The following NFATC1 variants were observed in gnomAD, a reference collection of about 807,000 sequenced individuals.
NFATC1 encodes the protein nuclear factor of activated T-cells, cytoplasmic 1.
A neutral mutation model predicts 76.0 loss-of-function variants in NFATC1; 22 were observed. The ratio of observed to expected loss-of-function variants is 0.29; its 90% CI spans 0.21 to 0.41. The LOEUF is 0.41. Among genes scored for constraint, NFATC1 ranks in the 10% least tolerant of loss-of-function variants. The probability of loss-of-function intolerance (pLI) is 1.00; values close to 1 mark genes in which losing one functional copy is unlikely to be tolerated. For synonymous variants in NFATC1, 704 were observed against 613.1 expected, an observed-to-expected ratio of 1.15 and a Z score of -2.19; for missense variants, 1,357 against 1,337.7, an observed-to-expected ratio of 1.01 and a Z score of -0.23.
At chr18:79,457,509 C>T (rs541215035) in intron 6 of NFATC1, among the ~76,000 whole-genome samples, 4 of 152,354 alleles carry the variant, frequency 2.6e-5, no homozygotes, top group Non-Finnish European at 4.4e-5. Flanking sequence ...GGATCATACA[C>T]GACAAAGTCA....
chr18:79,500,827 AG>A (rs1269742238), intron 9 of NFATC1, among the ~76,000 whole-genome samples: 2 of 152,324 alleles, frequency 1.3e-5, no homozygotes, highest in East Asian at 3.9e-4. Flanking sequence ...GACCTATAGC[AG>A]GGAAATAAAA....
intron 8 of NFATC1, among the ~76,000 whole-genome samples, chr18:79,472,772 T>TGGC (rs2088837972): frequency 6.6e-6 from 1 of 152,158 alleles, no homozygotes; most frequent in South Asian, 2.1e-4. Flanking sequence ...CCTGCCACCG[T>TGGC]GGCGGCTGCC....
At chr18:79,398,935 C>T (rs1379014242) in intron 1 of NFATC1, among the ~76,000 whole-genome samples, 1 of 152,184 alleles carries the variant, frequency 6.6e-6, no homozygotes, top group Non-Finnish European at 1.5e-5. Flanking sequence ...AGAGTGGTGG[C>T]GGGTGCCTGT....
At chr18:79,487,698 T>C (rs757625246) in intron 9 of NFATC1, among the ~76,000 whole-genome samples, 19 of 152,216 alleles carry the variant, frequency 1.2e-4, no homozygotes, top group Non-Finnish European at 2.4e-4. Flanking sequence ...GTTTACACTT[T>C]AAGGCGCAGC....
intron 7 of NFATC1, 116 bp downstream of exon 7, chr18:79,461,482 A>C: frequency 1.1e-6 from 1 of 888,392 alleles, no homozygotes; most frequent in Non-Finnish European, 1.8e-6. Context: ...CCTGTTTCTT[A>C]GAATGAAACA....
chr18:79,417,251 G>A (rs1312274536), intron 2 of NFATC1, among the ~76,000 whole-genome samples: 2 of 109,436 alleles, frequency 1.8e-5, no homozygotes, highest in African/African-American at 7.3e-5. Flanking sequence ...ATGGGCTGTG[G>A]TGGGAGATGG....
At chr18:79,501,251 G>GA (rs1436520568) in intron 9 of NFATC1, among the ~76,000 whole-genome samples, 3 of 152,058 alleles carry the variant, frequency 2.0e-5, no homozygotes, top group East Asian at 1.9e-4. Flanking sequence ...ATAAATGCAA[G>GA]AAAAAAAGCA....
At chr18:79,444,993 G>A (rs1053246105) in intron 3 of NFATC1, among the ~76,000 whole-genome samples, 3 of 152,238 alleles carry the variant, frequency 2.0e-5, no homozygotes, top group Non-Finnish European at 2.9e-5. Flanking sequence ...GTCCCACTTC[G>A]GGCAGGTGAG....
chr18:79,396,802 C>G (rs1335981698), intron 1 of NFATC1, among the ~76,000 whole-genome samples: 1 of 151,688 alleles, frequency 6.6e-6, no homozygotes, highest in Non-Finnish European at 1.5e-5. Flanking sequence ...TCTGCGCCCC[C>G]CACCCCCACC....
chr18:79,455,282 G>A lies in NFATC1; in HGVS notation c.1903+3466G>A, dbSNP rs910437536. 1.1e-4 allele frequency among the ~76,000 whole-genome samples: 16 copies of A among 152,354 alleles called. No homozygotes were observed. In the East Asian group the frequency reaches 1.7e-3, roughly 17 times the overall value. On this transcript the variant is annotated intron_variant, in intron 6 of 9. Coordinates refer to ENST00000427363, the MANE Select transcript of NFATC1 (RefSeq NM_001278669.2). ...ACTCCCACTCCGTTTGCCAGCGATC[G>A]CGCAGCGGGCAGGGCTCAGCGGGTG... is the stretch of plus-strand genomic sequence containing the variant.
intron 8 of NFATC1, among the ~76,000 whole-genome samples, chr18:79,485,766 C>T (rs1333722465): frequency 6.6e-6 from 1 of 152,246 alleles, no homozygotes; most frequent in Non-Finnish European, 1.5e-5. Context: ...TTTTCTTTCG[C>T]AGTGACGGAC....
At chr18:79,396,858 C>T (rs1284841564) in intron 1 of NFATC1, among the ~76,000 whole-genome samples, 3 of 152,054 alleles carry the variant, frequency 2.0e-5, no homozygotes, top group Non-Finnish European at 2.9e-5. Context: ...CCTGAATTCC[C>T]CAGGGCCGAG....
At chr18:79,460,778 C>T (rs1166561438) in intron 6 of NFATC1, among the ~76,000 whole-genome samples, 1 of 152,174 alleles carries the variant, frequency 6.6e-6, no homozygotes, top group Admixed American at 6.5e-5. Flanking sequence ...GCGTGGAGCC[C>T]CCGGCCCCCC....
At chr18:79,435,302 G>C (rs1038506606) in intron 3 of NFATC1, among the ~76,000 whole-genome samples, 3 of 151,774 alleles carry the variant, frequency 2.0e-5, no homozygotes, top group Non-Finnish European at 4.4e-5. Context: ...AGGACCATGA[G>C]TGTGGAGAGA....
chr18:79,408,244 C>G (rs1430708812), intron 1 of NFATC1, among the ~76,000 whole-genome samples: 1 of 152,180 alleles, frequency 6.6e-6, no homozygotes, highest in Non-Finnish European at 1.5e-5. Context: ...ACAGCACTGT[C>G]CTTGAATAAA....
chr18:79,429,614 A>G (rs1465813830), intron 2 of NFATC1, among the ~76,000 whole-genome samples: 1 of 152,204 alleles, frequency 6.6e-6, no homozygotes, highest in Non-Finnish European at 1.5e-5. Context: ...AGCAGGCAGC[A>G]GCGGTCCCGT....
At chr18:79,501,023 C>T (rs1202670070) in intron 9 of NFATC1, among the ~76,000 whole-genome samples, 1 of 150,542 alleles carries the variant, frequency 6.6e-6, no homozygotes, top group African/African-American at 2.4e-5. Flanking sequence ...TCAAAAGTAT[C>T]GTAAGAAAAA....
At chr18:79,428,846 AAG>A (rs889644309) in intron 2 of NFATC1, among the ~76,000 whole-genome samples, 8 of 152,170 alleles carry the variant, frequency 5.3e-5, no homozygotes, top group African/African-American at 1.9e-4. Context: ...AAGAAATAAA[AAG>A]AGAAAAAGAA....
At chr18:79,482,090 T>C (rs838056) in intron 8 of NFATC1, among the ~76,000 whole-genome samples, 53,703 of 132,522 alleles carry the variant, frequency 0.41, 12,334 homozygotes, top group Middle Eastern at 0.62. Context: ...GTTCCTGAGG[T>C]GTAATTCCAG....
Sources: allele counts gnomAD v4.1 joint callset (sites outside exome capture counted in the v4.1 genomes callset), GRCh38; gene constraint gnomAD v4.1.1; transcripts MANE v1.5; gene names NCBI Gene and HGNC (gene_info 2026-07-23, HGNC 2026-07-21).